The following SYNRG variants were observed in gnomAD, a reference collection of about 807,000 sequenced individuals.
SYNRG encodes the protein synergin gamma, also known as AP1 gamma subunit binding protein 1.
A neutral mutation model predicts 130.9 loss-of-function variants in SYNRG; 37 were observed. The ratio of observed to expected loss-of-function variants is 0.28; its 90% CI spans 0.22 to 0.37. SYNRG has a LOEUF of 0.37. SYNRG is among the 10% of genes least tolerant of loss of function. The pLI is 1.00. For missense variants in SYNRG, 1,338 were observed against 1,588.9 expected, an observed-to-expected ratio of 0.84 and a Z score of 2.68; for synonymous variants, 539 against 568.1, an observed-to-expected ratio of 0.95 and a Z score of 0.73.
intron 16 of SYNRG, among the ~76,000 whole-genome samples, chr17:37,539,644 T>C (rs1181374578): frequency 6.6e-6 from 1 of 152,226 alleles, no homozygotes; most frequent in Non-Finnish European, 1.5e-5. Flanking sequence ...GTGCTGAGAT[T>C]ACAGGCATGA....
intron 1 of SYNRG, among the ~76,000 whole-genome samples, chr17:37,603,057 T>C (rs2063431715): frequency 6.6e-6 from 1 of 151,400 alleles, no homozygotes; most frequent in East Asian, 1.9e-4. Context: ...CAAAACAAAG[T>C]AGCAAAAGGG....
intron 19 of SYNRG, chr17:37,529,699 G>A (rs998123318): frequency 1.1e-5 from 15 of 1,319,622 alleles, no homozygotes; most frequent in Admixed American, 2.1e-5. Flanking sequence ...AGAAGTAAAC[G>A]CACAGCAGCA....
At chr17:37,579,618 T>C (rs1598476600) in intron 6 of SYNRG, among the ~76,000 whole-genome samples, 1 of 152,360 alleles carries the variant, frequency 6.6e-6, no homozygotes, top group Non-Finnish European at 1.5e-5. Context: ...TGATGTCTAT[T>C]TATACACAAT....
intron 11 of SYNRG, chr17:37,568,203 C>CA (rs1208579887): frequency 5.3e-5 from 8 of 150,878 alleles, no homozygotes; most frequent in Admixed American, 1.3e-4. Flanking sequence ...GACTCCATCT[C>CA]AAAAAAAAAC....
At position 37,517,946 on chromosome 17, in the gene SYNRG, C is replaced by T. The variant is rs2054554004; in HGVS notation, c.*994G>A. The T allele has an allele frequency of 6.6e-6, 1 of 152,180 alleles. No individual in the cohort carries two copies. The highest frequency in any genetic ancestry group is 1.5e-5 in the Non-Finnish European group (1 of 68,012). 9.4% of individuals were successfully genotyped at this position (152,180 alleles called of 1,614,324 possible). A position where few individuals can be genotyped will look rare whatever the true frequency, so the allele number is the denominator to read the frequency against. Reference sequence around the variant, plus strand: ...ACTGTTTCTGGACAATTTTCTTCTACTTCTTCTAAGTCATGTATCTATCCC... The same window carrying T: ...ACTGTTTCTGGACAATTTTCTTCTATTTCTTCTAAGTCATGTATCTATCCC... On this transcript the variant is annotated 3_prime_UTR_variant, in exon 22 of 22. Coordinates refer to ENST00000612223, the MANE Select transcript of SYNRG (RefSeq NM_007247.6).
At chr17:37,559,654 C>T (rs2059379570) in intron 13 of SYNRG, among the ~76,000 whole-genome samples, 1 of 152,116 alleles carries the variant, frequency 6.6e-6, no homozygotes, top group Non-Finnish European at 1.5e-5. Context: ...CATGCCATTG[C>T]ACTCTAGCCT....
chr17:37,545,053 C>G (rs1474983329), intron 14 of SYNRG, among the ~76,000 whole-genome samples: 3 of 151,770 alleles, frequency 2.0e-5, no homozygotes, highest in African/African-American at 7.2e-5. Flanking sequence ...AACCCTGTCT[C>G]TACTAAAAAT....
At chr17:37,525,662 G>A (rs972775680) in intron 19 of SYNRG, among the ~76,000 whole-genome samples, 5 of 151,870 alleles carry the variant, frequency 3.3e-5, no homozygotes, top group South Asian at 2.1e-4. Flanking sequence ...GCAAAGCCCC[G>A]TCTCTACTAA....
intron 19 of SYNRG, among the ~76,000 whole-genome samples, chr17:37,521,401 T>TG (rs1356413458): frequency 6.6e-6 from 1 of 151,618 alleles, no homozygotes; most frequent in Non-Finnish European, 1.5e-5. Flanking sequence ...ACAGGAGGGT[T>TG]GGGTGAGGTA....
intron 9 of SYNRG, among the ~76,000 whole-genome samples, chr17:37,571,524 G>A (rs937625638): frequency 1.3e-5 from 2 of 152,228 alleles, no homozygotes; most frequent in Non-Finnish European, 2.9e-5. Context: ...GGAAGCTGCA[G>A]TGAGCTGAGA....
At chr17:37,608,118 G>A (rs758118279) in intron 1 of SYNRG, among the ~76,000 whole-genome samples, 1 of 152,020 alleles carries the variant, frequency 6.6e-6, no homozygotes. Context: ...AAAAGAGAAA[G>A]CAAAAAGTTT....
intron 1 of SYNRG, among the ~76,000 whole-genome samples, chr17:37,608,084 C>T (rs559960857): frequency 6.6e-6 from 1 of 151,818 alleles, no homozygotes; most frequent in Admixed American, 6.6e-5. Context: ...TTAAAAAACC[C>T]TCTAATGAAA....
intron 3 of SYNRG, among the ~76,000 whole-genome samples, chr17:37,587,694 G>A (rs948966642): frequency 1.3e-5 from 2 of 152,128 alleles, no homozygotes; most frequent in African/African-American, 4.8e-5. Context: ...CCCCCAAACT[G>A]CTCTTGGTAA....
At chr17:37,555,458 T>C (rs1222340835) in intron 13 of SYNRG, among the ~76,000 whole-genome samples, 1 of 152,318 alleles carries the variant, frequency 6.6e-6, no homozygotes, top group South Asian at 2.1e-4. Flanking sequence ...GGTTTCTATA[T>C]TCTTTATTAT....
At chr17:37,558,176 A>AAATATTTCTAGAACC (rs1157640324) in intron 13 of SYNRG, among the ~76,000 whole-genome samples, 3 of 152,226 alleles carry the variant, frequency 2.0e-5, no homozygotes, top group African/African-American at 7.2e-5. Context: ...AAACACAAGA[A>AAATATTTCTAGAACC]AATATTTCTA....
chr17:37,605,119 T>C (rs1301550446), intron 1 of SYNRG, among the ~76,000 whole-genome samples: 1 of 152,190 alleles, frequency 6.6e-6, no homozygotes, highest in African/African-American at 2.4e-5. Context: ...CGGATAAACT[T>C]GCTCAATGCA....
At chr17:37,582,564 A>G (rs1448852796) in intron 6 of SYNRG, among the ~76,000 whole-genome samples, 1 of 152,178 alleles carries the variant, frequency 6.6e-6, no homozygotes, top group Admixed American at 6.5e-5. Flanking sequence ...AAAGAAGTAT[A>G]AAAGTTAAAT....
Position 37,553,631 on chromosome 17 carries a change from T to C in SYNRG, c.2092A>G (p.Ser698Gly). 6.2e-7 allele frequency: 1 copy of C among 1,614,016 alleles called. No homozygotes were observed. The highest frequency in any genetic ancestry group is 8.5e-7 in the Non-Finnish European group (1 of 1,179,994). Residue 698 changes from serine to glycine, a missense_variant, in exon 14 of 22, where the codon AGT becomes GGT. Ser to Gly is a moderately conservative substitution (Grantham distance 56). Around this residue, in one of 3 missense-constraint regions of SYNRG, gnomAD observed 1,146 missense variants for 1,342.3 expected, o/e 0.85. Coordinates refer to ENST00000612223, the MANE Select transcript of SYNRG (RefSeq NM_007247.6). ...TGCTCAGATGAAATAGAGCTATTACTGAAAGCCATAAAATCTGCAAAGTCA... is the reference window on the plus strand; with the variant it reads ...TGCTCAGATGAAATAGAGCTATTACCGAAAGCCATAAAATCTGCAAAGTCA... Reference protein sequence around the residue: ...QDDFADFMAFSNSSISSEQKP... With the variant: ...QDDFADFMAFGNSSISSEQKP...
At chr17:37,570,555 C>T in intron 10 of SYNRG, 82 bp downstream of exon 10, 3 of 1,496,580 alleles carry the variant, frequency 2.0e-6, no homozygotes, top group African/African-American at 1.4e-5. Context: ...ATCCAGTAAC[C>T]TACTCTATGT....
Sources: gnomAD v4.1 joint callset for allele counts (sites outside exome capture counted in the v4.1 genomes callset) on GRCh38, gnomAD v4.1.1 for gene constraint, gnomAD v4.1.1 regional missense constraint, MANE v1.5 for transcripts, NCBI Gene and HGNC (gene_info 2026-07-23, HGNC 2026-07-21) for gene names.